SLFN5: variants seen among roughly 807,000 people sequenced by gnomAD.
The protein encoded by SLFN5 is schlafen family member 5.
Under a neutral mutation model 48.5 loss-of-function variants are expected in SLFN5, and 34 were observed. The ratio of observed to expected loss-of-function variants is 0.70; its 90% confidence interval spans 0.53 to 0.93. The LOEUF (loss-of-function observed/expected upper bound fraction) is 0.93, where lower values mean the gene tolerates loss of function less well. Among genes scored for constraint, SLFN5 ranks in the 40% least tolerant of loss-of-function variants. The pLI is 0.00. For missense variants in SLFN5, 1,006 were observed against 1,071.3 expected (o/e 0.94, Z 0.85); for synonymous variants, 387 against 396.2 (o/e 0.98, Z 0.28).
intron 1 of SLFN5, among the ~76,000 whole-genome samples, chr17:35,252,531 A>G (rs774124374): frequency 7.2e-5 from 11 of 152,096 alleles, no homozygotes; most frequent in African/African-American, 9.7e-5. Flanking sequence ...TTGTTCCTCT[A>G]TAGATAATGT....
chr17:35,264,117 C>T (rs1214951739), intron 3 of SLFN5, 66 bp from the exon 4 acceptor site: 17 of 1,499,944 alleles, frequency 1.1e-5, no homozygotes, highest in African/African-American at 2.8e-5. Flanking sequence ...AATTCTTCTA[C>T]GTATAATGAT....
In SLFN5 at chr17:35,259,871, T is replaced by C. The variant is rs1274153436; in HGVS notation, c.1012+169T>C. On this transcript the variant is annotated intron_variant, in intron 2 of 4. Transcript: ENST00000299977. ...CCTGTAGATGTAGTTCGTGGATTAT[T>C]GCCCTTCCTTTCTTCTGCCATCTTA... 3.9e-6 allele frequency: 3 copies of C among 775,856 alleles called. No individual in the cohort carries two copies. In the African/African-American group the frequency reaches 5.3e-5, roughly 14 times the overall value. The allele number at this position is 775,856 out of a possible 1,614,324, so 48.1% of individuals were successfully genotyped here.
In SLFN5 at chr17:35,264,512, A is replaced by G. The variant is rs1567792483; in HGVS notation, c.1468A>G (p.Ile490Val). 1 of 1,614,102 alleles carries G rather than the reference A, an allele frequency of 6.2e-7. No homozygotes were observed. The highest frequency in any genetic ancestry group is 2.2e-5 in the East Asian group (1 of 44,892). ...NKGGYTGRLC[I>V]TPLVCVLNSD... ...AGGCGGCTACACTGGGAGGTTATGC[A>G]TCACCCCCTTGGTCTGTGTGCTGAA... Residue 490 changes from isoleucine (I) to valine (V), a missense_variant, in exon 4 of 5, where the codon ATC becomes GTC. Physicochemically the swap from Ile to Val is conservative, Grantham distance 29. Transcript: ENST00000299977.
rs149075917 is a variant in SLFN5, at chr17:35,256,712, T to G, written c.-40-1939T>G. On this transcript the variant is annotated intron_variant, in intron 1 of 4. Coordinates refer to ENST00000299977, the MANE Select transcript of SLFN5 (RefSeq NM_144975.4). ...GCCACCTTCCTTTTAGTGATTGCCTTGTGGCACAGCTGCATGAAATTGTGG... is the reference window on the plus strand; with the variant it reads ...GCCACCTTCCTTTTAGTGATTGCCTGGTGGCACAGCTGCATGAAATTGTGG... Among the ~76,000 whole-genome samples, 724 of 152,316 alleles carry G rather than the reference T, an allele frequency of 4.8e-3. 2 individuals are homozygous for G. The highest frequency in any genetic ancestry group is 7.0e-3 in the Non-Finnish European group (476 of 68,028).
At position 35,265,381 on chromosome 17, in the gene SLFN5, A is replaced by G. The variant is rs774405633; in HGVS notation, c.2169A>G (p.Gln723=). The G allele has an allele frequency of 1.9e-6, 3 of 1,614,232 alleles. No individual in the cohort carries two copies. The highest frequency in any genetic ancestry group is 2.5e-6 in the Non-Finnish European group (3 of 1,180,050). Residue 723 remains glutamine, a synonymous_variant, in exon 5 of 5, where the codon CAA becomes CAG. Coordinates refer to ENST00000299977, the MANE Select transcript of SLFN5 (RefSeq NM_144975.4). ...RNAGPIANYL[Q]QVMQEARQNP... ...CAGGTCCAATAGCTAATTACCTACA[A>G]CAAGTAATGCAGGAAGCCCGACAAA... is the stretch of plus-strand genomic sequence containing the variant.
At chr17:35,262,370 A>C (rs993016910) in intron 3 of SLFN5, among the ~76,000 whole-genome samples, 4 of 146,914 alleles carry the variant, frequency 2.7e-5, no homozygotes, top group Non-Finnish European at 6.0e-5. Flanking sequence ...ACAGAGGGAG[A>C]CTCCATCTCA....
rs970732834 is a variant in SLFN5, at chr17:35,271,315, G to A, written c.*5427G>A. ...CTATTAGCAAGAGTATATGAATAAC[G>A]TACTATAACAAGAAAAAATGAATTG... On this transcript the variant is annotated 3_prime_UTR_variant, in exon 5 of 5. Coordinates refer to ENST00000299977, the MANE Select transcript of SLFN5 (RefSeq NM_144975.4). 3 of 152,072 alleles carry A rather than the reference G, an allele frequency of 2.0e-5. No homozygotes were observed. Among genetic ancestry groups the A allele is most frequent in the African/African-American group, 7.2e-5 (3 of 41,398 alleles). 9.4% of individuals were successfully genotyped at this position (152,072 alleles called of 1,614,324 possible).
At chr17:35,244,146 G>A (rs1389171534) in intron 1 of SLFN5, among the ~76,000 whole-genome samples, 3 of 152,026 alleles carry the variant, frequency 2.0e-5, no homozygotes, top group Non-Finnish European at 4.4e-5. Flanking sequence ...CAAAGAAACG[G>A]TGCATCAGCA....
rs1428339574 is a variant in SLFN5, at chr17:35,261,004, T to A, written c.1046T>A (p.Leu349Ter). Reference sequence around the variant, plus strand: ...AGGTGTCCTGAGATGGTTCTCCAGTTGAGTTTGTCATCTGCCACGCCCCGC... The same window carrying A: ...AGGTGTCCTGAGATGGTTCTCCAGTAGAGTTTGTCATCTGCCACGCCCCGC... ...LSRCPEMVLQ[L>*]SLSSATPRSK... is the part of the protein sequence containing the mutation. The change falls in exon 3 of 5, where the codon TTG (leucine) becomes TAG (stop). Residue 349 changes from leucine (L) to a stop codon, truncating the protein, a stop_gained. Coordinates refer to ENST00000299977, the MANE Select transcript of SLFN5 (RefSeq NM_144975.4). LOFTEE classifies it high-confidence loss of function. 1 of 1,614,004 alleles carries A rather than the reference T, an allele frequency of 6.2e-7. No homozygotes were observed. Among genetic ancestry groups the A allele is most frequent in the Non-Finnish European group, 8.5e-7 (1 of 1,179,898 alleles).
In SLFN5 at chr17:35,268,188, C is replaced by G. The variant is rs1021310540; in HGVS notation, c.*2300C>G. On this transcript the variant is annotated 3_prime_UTR_variant, in exon 5 of 5. Coordinates refer to ENST00000299977, the MANE Select transcript of SLFN5 (RefSeq NM_144975.4). ...CACCACCCAGGCCTCCAGCTATACA[C>G]TGGAGAAGAAGCCAAACTAGTCTAC... The G allele has an allele frequency of 6.6e-6, 1 of 152,286 alleles. No homozygotes were observed. Among genetic ancestry groups the G allele is most frequent in the African/African-American group, 2.4e-5 (1 of 41,440 alleles). 9.4% of individuals were successfully genotyped at this position (152,286 alleles called of 1,614,324 possible).
Position 35,271,270 on chromosome 17 carries a change from A to T in SLFN5, c.*5382A>T, listed in dbSNP as rs565790098. The T allele has an allele frequency of 9.2e-5, 14 of 152,342 alleles. No individual in the cohort carries two copies. Among genetic ancestry groups the T allele is most frequent in the African/African-American group, 2.9e-4 (12 of 41,588 alleles). 9.4% of individuals were successfully genotyped at this position (152,342 alleles called of 1,614,324 possible). A position where few individuals can be genotyped will look rare whatever the true frequency, so the allele number is the denominator to read the frequency against. Reference sequence around the variant, plus strand: ...TTCCTACTTGTTCCAAGTCAGAAAAACTATTCATATAGGGATGGGCTATTA... The same window carrying T: ...TTCCTACTTGTTCCAAGTCAGAAAATCTATTCATATAGGGATGGGCTATTA... On this transcript the variant is annotated 3_prime_UTR_variant, in exon 5 of 5. Transcript: ENST00000299977.
rs758533114 is a variant in SLFN5, at chr17:35,265,416, C to T, written c.2204C>T (p.Pro735Leu). 13 of 1,614,100 alleles carry T rather than the reference C, an allele frequency of 8.1e-6. No individual in the cohort carries two copies. The African/African-American group carries it at 1.1e-4, about 13-fold the overall frequency. ...CAGGAAGCCCGACAAAATCCTCCACCTAACCTCCCCCCTGGGTCCCTGGTG... is the reference window on the plus strand; with the variant it reads ...CAGGAAGCCCGACAAAATCCTCCACTTAACCTCCCCCCTGGGTCCCTGGTG... The part of the protein sequence containing the change: ...VMQEARQNPP[P>L]NLPPGSLVML... Residue 735 changes from proline to leucine, a missense_variant, in exon 5 of 5, where the codon CCT becomes CTT. Pro to Leu is a moderately conservative substitution (Grantham distance 98). Coordinates refer to ENST00000299977, the MANE Select transcript of SLFN5 (RefSeq NM_144975.4).
chr17:35,257,215 T>G (rs7222370), intron 1 of SLFN5, among the ~76,000 whole-genome samples: 92,171 of 151,966 alleles, frequency 0.61, 28,174 homozygotes, highest in Middle Eastern at 0.75. Context: ...CTCCCCCATA[T>G]TTACATTTCC....
At position 35,264,895 on chromosome 17, in the gene SLFN5, G is replaced by C. The variant is rs766347220; in HGVS notation, c.1851G>C (p.Lys617Asn). The stretch of plus-strand genomic sequence containing the variant: ...TCTGTGAAAACCAGCCCCTGAAGAA[G>C]TTGGTGAGGTATGCTGCTTGTCTGT... ...LYICENQPLK[K>N]LVSFSKKNIC... Residue 617 changes from lysine (K) to asparagine (N), a missense_variant, in exon 4 of 5, where the codon AAG (lysine) becomes AAC (asparagine). Coordinates refer to ENST00000299977, the MANE Select transcript of SLFN5 (RefSeq NM_144975.4). 1.9e-6 allele frequency: 3 copies of C among 1,558,060 alleles called. No individual in the cohort carries two copies. The highest frequency in any genetic ancestry group is 2.5e-5 in the South Asian group (2 of 78,764).
chr17:35,269,854 A>G lies in SLFN5; in HGVS notation c.*3966A>G, dbSNP rs1171539469. 1 of 152,242 alleles carries G rather than the reference A, an allele frequency of 6.6e-6. No homozygotes were observed. Among genetic ancestry groups the G allele is most frequent in the Non-Finnish European group, 1.5e-5 (1 of 68,040 alleles). The allele number at this position is 152,242 out of a possible 1,614,324, so 9.4% of individuals were successfully genotyped here. On this transcript the variant is annotated 3_prime_UTR_variant, in exon 5 of 5. Coordinates refer to ENST00000299977, the MANE Select transcript of SLFN5 (RefSeq NM_144975.4). ...TAGATCAAAACAACAAATGTCCATT[A>G]CAGCAATTAACAAAAGTTAGGGAGT... is the stretch of plus-strand genomic sequence containing the variant.
intron 1 of SLFN5, among the ~76,000 whole-genome samples, chr17:35,256,785 A>G (rs1034298442): frequency 1.3e-5 from 2 of 152,124 alleles, no homozygotes; most frequent in Non-Finnish European, 2.9e-5. Flanking sequence ...ATCTGATTTC[A>G]TGCTTATCAA....
intron 1 of SLFN5, among the ~76,000 whole-genome samples, chr17:35,251,281 T>G (rs965780556): frequency 6.6e-6 from 1 of 152,226 alleles, no homozygotes; most frequent in Non-Finnish European, 1.5e-5. Context: ...TCTATTGGTT[T>G]AGGGCATTAG....
In SLFN5 at chr17:35,269,255, T is replaced by C. The variant is rs1234668647; in HGVS notation, c.*3367T>C. On this transcript the variant is annotated 3_prime_UTR_variant, in exon 5 of 5. Coordinates refer to ENST00000299977, the MANE Select transcript of SLFN5 (RefSeq NM_144975.4). ...AAATACAGGACCCATGAATCATTCT[T>C]GAAGAAAAGTTACTCAGTAAGGAAA... 6.6e-6 allele frequency: 1 copy of C among 152,160 alleles called. No individual in the cohort carries two copies. The highest frequency in any genetic ancestry group is 6.5e-5 in the Admixed American group (1 of 15,276). 9.4% of individuals were successfully genotyped at this position (152,160 alleles called of 1,614,324 possible).
At chr17:35,257,423 G>A (rs192358265) in intron 1 of SLFN5, among the ~76,000 whole-genome samples, 10 of 152,116 alleles carry the variant, frequency 6.6e-5, no homozygotes, top group African/African-American at 1.9e-4. Flanking sequence ...CTTGGCAGCC[G>A]GACAGGTGGC....
Sources: gnomAD v4.1 joint callset for allele counts (sites outside exome capture counted in the v4.1 genomes callset) on GRCh38, gnomAD v4.1.1 for gene constraint, MANE v1.5 for transcripts, NCBI Gene and HGNC (gene_info 2026-07-23, HGNC 2026-07-21) for gene names.